OCRL: variants seen among roughly 807,000 people sequenced by gnomAD.
OCRL encodes the protein OCRL inositol polyphosphate-5-phosphatase.
Under a neutral mutation model 78.9 loss-of-function variants are expected in OCRL, and 8 were observed. The ratio of observed to expected loss-of-function variants is 0.10; its 90% CI spans 0.06 to 0.18. OCRL has a LOEUF of 0.18. Among genes scored for constraint, OCRL ranks in the 10% least tolerant of loss-of-function variants. The pLI, the probability that OCRL is intolerant of heterozygous loss-of-function variation, is 1.00. For synonymous variants in OCRL, 240 were observed against 235.4 expected (o/e 1.02, Z -0.18); for missense variants, 454 against 696.7 (o/e 0.65, Z 3.92).
At position 129,590,406 on chromosome X, in the gene OCRL, G is replaced by A. The variant is rs772585775; in HGVS notation, c.*136G>A. 2.3e-4 allele frequency: 184 copies of A among 794,654 alleles called. 1 individual carries two copies. Among genetic ancestry groups the A allele is most frequent in the Non-Finnish European group, 3.4e-4 (179 of 534,062 alleles). The allele number at this position is 794,654 out of a possible 1,213,427, so 65.5% of individuals were successfully genotyped here. ...TCTGTTTATAGTAAAAAGGAAGAGC[G>A]TTTCCTAATCCCTCCTTTACCATAT... On this transcript the variant is annotated 3_prime_UTR_variant, in exon 24 of 24. Coordinates refer to ENST00000371113, the MANE Select transcript of OCRL (RefSeq NM_000276.4).
In OCRL at chrX:129,571,980, T is replaced by C. The variant is rs374525873; in HGVS notation, c.1602+2581T>C. ...AGAGCTTTCTGTGATGATGGAAATG[T>C]CCTGTATCTGTGCTGTCCAGTCCAG... On this transcript the variant is annotated intron_variant, in intron 15 of 23. Transcript: ENST00000371113. Among the ~76,000 whole-genome samples, 7 of 111,744 alleles carry C rather than the reference T, an allele frequency of 6.3e-5. No homozygotes were observed. In the East Asian group the frequency reaches 2.0e-3, roughly 32 times the overall value.
rs768872415 is a variant in OCRL at position 129,583,656 on chromosome X, C to T, written c.2116-688C>T. Reference sequence around the variant, plus strand: ...TGCTATTATTATTGGATTGTAATAACAGCATAAAAGATAGGAAGATTAAAA... The same window carrying T: ...TGCTATTATTATTGGATTGTAATAATAGCATAAAAGATAGGAAGATTAAAA... On this transcript the variant is annotated intron_variant, in intron 18 of 23. Transcript: ENST00000371113. Among the ~76,000 whole-genome samples, 14 of 111,783 alleles carry T rather than the reference C, an allele frequency of 1.3e-4. No homozygotes were observed. The South Asian group carries it at 4.5e-3, about 36-fold the overall frequency.
intron 12 of OCRL, 115 bp downstream of exon 12, chrX:129,562,901 G>A: frequency 2.8e-6 from 2 of 708,189 alleles, no homozygotes; most frequent in Non-Finnish European, 4.3e-6. Flanking sequence ...ACCAGTGAGG[G>A]ATTGGGGTCA....
Position 129,576,492 on chromosome X carries a change from G to A in OCRL, c.2055G>A (p.Glu685=). The change falls in exon 18 of 24, where the codon GAG becomes GAA. Residue 685 remains glutamate, a synonymous_variant. Coordinates refer to ENST00000371113, the MANE Select transcript of OCRL (RefSeq NM_000276.4). The stretch of plus-strand genomic sequence containing the variant: ...CAAGTTGTTTTGGCACATCCTTAGA[G>A]GCTCTGTGCCGTATGAAAAGACCAA... ...YLPSCFGTSL[E]ALCRMKRPIR... 8.3e-7 allele frequency: 1 copy of A among 1,211,493 alleles called. No individual in the cohort carries two copies. Among genetic ancestry groups the A allele is most frequent in the Non-Finnish European group, 1.1e-6 (1 of 895,135 alleles).
At chrX:129,588,335 A>C in intron 21 of OCRL, 72 bp downstream of exon 21, 1 of 731,445 alleles carries the variant, frequency 1.4e-6, no homozygotes, top group Non-Finnish European at 2.2e-6. Flanking sequence ...CCTATATTTG[A>C]TTTTTGTGGT....
chrX:129,556,621 A>G (rs1158956470), intron 4 of OCRL, among the ~76,000 whole-genome samples: 1 of 112,397 alleles, frequency 8.9e-6, no homozygotes, highest in East Asian at 2.8e-4. Context: ...AGGGGAGACA[A>G]TATGTTATAC....
At chrX:129,554,100 G>T in intron 4 of OCRL, among the ~76,000 whole-genome samples, 1 of 108,778 alleles carries the variant, frequency 9.2e-6, no homozygotes. Flanking sequence ...GGAAGGGGCT[G>T]ACGGATAGTA....
At chrX:129,589,060 A>G in intron 22 of OCRL, 47 bp downstream of exon 22, 2 of 1,202,843 alleles carry the variant, frequency 1.7e-6, no homozygotes, top group Middle Eastern at 2.4e-4. Context: ...ATTGCCCCAT[A>G]GAGAAGTCGT....
chrX:129,540,279 AGCTCCCAGCTCCCC>A lies in OCRL; in HGVS notation c.-154_-141del. The A allele has an allele frequency of 3.5e-6, 2 of 566,591 alleles. No homozygotes were observed. Among genetic ancestry groups the A allele is most frequent in the Non-Finnish European group, 5.7e-6 (2 of 348,027 alleles). The allele number at this position is 566,591 out of a possible 1,213,427, so 46.7% of individuals were successfully genotyped here. The stretch of plus-strand genomic sequence containing the variant: ...CCGCTCTCTCTTGGGTCAGATTCTC[AGCTCCCAGCTCCCC>A]GCTCCCGGCTCCCGGCGCCCGGCGC... On this transcript the variant is annotated 5_prime_UTR_variant, in exon 1 of 24. Transcript: ENST00000371113.
intron 3 of OCRL, among the ~76,000 whole-genome samples, chrX:129,547,386 A>T (rs186475538): frequency 9.3e-6 from 1 of 107,792 alleles, no homozygotes; most frequent in Non-Finnish European, 1.9e-5. Flanking sequence ...TTAGCCGGGC[A>T]TGGTGGCGGG....
At chrX:129,542,563 ATTAG>A (rs1335400044) in intron 2 of OCRL, among the ~76,000 whole-genome samples, 5 of 110,600 alleles carry the variant, frequency 4.5e-5, no homozygotes, top group South Asian at 3.8e-4. Flanking sequence ...AGCCCTTTTC[ATTAG>A]TTAGTTCATT....
intron 2 of OCRL, among the ~76,000 whole-genome samples, chrX:129,543,005 T>C (rs1935831997): frequency 8.9e-6 from 1 of 111,836 alleles, no homozygotes; most frequent in African/African-American, 3.2e-5. Context: ...ATTCATATTT[T>C]TCAAGGATAA....
chrX:129,568,207 C>T (rs186485644), intron 14 of OCRL, among the ~76,000 whole-genome samples: 4 of 112,115 alleles, frequency 3.6e-5, no homozygotes, highest in Non-Finnish European at 7.5e-5. Context: ...TGAGCCACCG[C>T]GCCCGGCCAG....
chrX:129,580,719 C>T (rs753818086), intron 18 of OCRL, among the ~76,000 whole-genome samples: 16 of 111,708 alleles, frequency 1.4e-4, no homozygotes, highest in East Asian at 1.1e-3. Flanking sequence ...TTAATTTGTC[C>T]GTAGTGTTTT....
chrX:129,581,861 C>CTCTCTG (rs1170152691), intron 18 of OCRL, among the ~76,000 whole-genome samples: 2 of 94,413 alleles, frequency 2.1e-5, no homozygotes, highest in African/African-American at 4.3e-5. Context: ...CTCTCTCTCT[C>CTCTCTG]TCTCTGTCTC....
chrX:129,588,168 T>C lies in OCRL; in HGVS notation c.2257-11T>C, dbSNP rs1231846617. The C allele has an allele frequency of 8.5e-7, 1 of 1,172,460 alleles. No individual in the cohort carries two copies. The highest frequency in any genetic ancestry group is 1.8e-5 in the South Asian group (1 of 56,109). On this transcript the variant is annotated splice_polypyrimidine_tract_variant and intron_variant, in intron 20 of 23. Coordinates refer to ENST00000371113, the MANE Select transcript of OCRL (RefSeq NM_000276.4). ...ATCTTGCCTGTCCCTTCATTCTGAC[T>C]TCTTTGGTAGGAGGACCTGTTCCAG...
chrX:129,556,383 G>T (rs1936051047), intron 4 of OCRL, among the ~76,000 whole-genome samples: 2 of 111,462 alleles, frequency 1.8e-5, no homozygotes, highest in Admixed American at 1.9e-4. Context: ...ACCATACAGT[G>T]CTGGGACAGT....
intron 20 of OCRL, 143 bp downstream of exon 20, chrX:129,587,261 G>C (rs778792737): frequency 7.7e-6 from 4 of 516,226 alleles, no homozygotes; most frequent in East Asian, 6.9e-5. Context: ...TGGGTGGGTG[G>C]AAGTGTCCTA....
chrX:129,589,815 C>A, intron 22 of OCRL, 30 bp from the exon 23 acceptor site: 1 of 1,039,767 alleles, frequency 9.6e-7, no homozygotes, highest in Non-Finnish European at 1.4e-6. Context: ...ACCTGTTTTT[C>A]TCACTGCCTG....
Sources: gnomAD v4.1 joint callset for allele counts (sites outside exome capture counted in the v4.1 genomes callset) on GRCh38, gnomAD v4.1.1 for gene constraint, MANE v1.5 for transcripts, NCBI Gene and HGNC (gene_info 2026-07-23, HGNC 2026-07-21) for gene names.